The following FAM114A1 variants were observed in gnomAD, a reference collection of about 807,000 sequenced individuals.
The protein encoded by FAM114A1 is family with sequence similarity 114 member A1, also known as protein NOXP20.
Under a neutral mutation model 64.3 loss-of-function variants are expected in FAM114A1, and 62 were observed. The observed-to-expected ratio is 0.96, with a 90% CI of 0.79 to 1.19. The LOEUF (loss-of-function observed/expected upper bound fraction) is 1.19, where lower values mean the gene tolerates loss of function less well. FAM114A1 is among the 50% of genes most tolerant of loss of function. The pLI is 0.00. For synonymous variants in FAM114A1, 254 were observed against 251.1 expected (o/e 1.01, Z -0.11); for missense variants, 645 against 676.3 (o/e 0.95, Z 0.51).
intron 12 of FAM114A1, among the ~76,000 whole-genome samples, chr4:38,934,458 A>G (rs147184326): frequency 3.6e-3 from 549 of 152,260 alleles, no homozygotes; most frequent in African/African-American, 0.011. Context: ...TATATATATT[A>G]GATAAGGCCT....
At position 38,944,630 on chromosome 4, in the gene FAM114A1, A is replaced by G. The variant is rs1721829923; in HGVS notation, c.*1073A>G. 6.6e-6 allele frequency: 1 copy of G among 152,230 alleles called. No homozygotes were observed. Among genetic ancestry groups the G allele is most frequent in the Non-Finnish European group, 1.5e-5 (1 of 68,088 alleles). The allele number at this position is 152,230 out of a possible 1,614,324, so 9.4% of individuals were successfully genotyped here. A position where few individuals can be genotyped will look rare whatever the true frequency, so the allele number is the denominator to read the frequency against. ...TTTACAGCTGCTCCCCAGAGCTTGC[A>G]TTACTGCCTGAGCTCTGCCTCCCGT... On this transcript the variant is annotated 3_prime_UTR_variant, in exon 15 of 15. Coordinates refer to ENST00000358869, the MANE Select transcript of FAM114A1 (RefSeq NM_138389.4).
rs763248008 is a variant in FAM114A1, at chr4:38,878,115, G to A, written c.37G>A (p.Asp13Asn). The change falls in exon 3 of 15, where the codon GAC becomes AAC. Residue 13 changes from aspartate (D) to asparagine (N), a missense_variant. Physicochemically the swap from Asp to Asn is conservative, Grantham distance 23 (BLOSUM62 1). Coordinates refer to ENST00000358869, the MANE Select transcript of FAM114A1 (RefSeq NM_138389.4). ...TGCTGGTGACACCTTAGCCACTGGA[G>A]ACAAAGCAGAAGTTACTGAGATGCC... ...DDAGDTLATG[D>N]KAEVTEMPNS... The A allele has an allele frequency of 1.2e-6, 2 of 1,613,420 alleles. No homozygotes were observed. The highest frequency in any genetic ancestry group is 1.7e-5 in the Admixed American group (1 of 59,996).
intron 10 of FAM114A1, among the ~76,000 whole-genome samples, chr4:38,930,039 C>G (rs958225379): frequency 6.6e-6 from 1 of 152,164 alleles, no homozygotes; most frequent in African/African-American, 2.4e-5. Flanking sequence ...ACCCCGCCCC[C>G]CTTCTAAAGA....
intron 8 of FAM114A1, among the ~76,000 whole-genome samples, chr4:38,919,494 C>A (rs574514970): frequency 4.6e-5 from 7 of 152,202 alleles, no homozygotes; most frequent in Non-Finnish European, 8.8e-5. Context: ...GGAGCACAGC[C>A]TAGGGAAGAG....
intron 4 of FAM114A1, among the ~76,000 whole-genome samples, chr4:38,904,152 C>T (rs145723728): frequency 0.016 from 2,410 of 152,260 alleles, 79 homozygotes; most frequent in African/African-American, 0.054. Flanking sequence ...AACCTGAGGT[C>T]ACCCAGGTCC....
intron 3 of FAM114A1, among the ~76,000 whole-genome samples, chr4:38,887,193 C>T (rs1244446381): frequency 6.6e-6 from 1 of 152,136 alleles, no homozygotes; most frequent in Non-Finnish European, 1.5e-5. Context: ...AAGAACTACT[C>T]AAATGTTTAA....
At position 38,943,782 on chromosome 4, in the gene FAM114A1, T is replaced by G. The variant is rs575445679; in HGVS notation, c.*225T>G. On this transcript the variant is annotated 3_prime_UTR_variant, in exon 15 of 15. Coordinates refer to ENST00000358869, the MANE Select transcript of FAM114A1 (RefSeq NM_138389.4). ...CAATTGTGTTTTCTTTATGTTAATT[T>G]AAACTTACACAGCTTATATTGAAAA... is the stretch of plus-strand genomic sequence containing the variant. 2.3e-5 allele frequency: 9 copies of G among 395,890 alleles called. No individual in the cohort carries two copies. In the East Asian group the frequency reaches 3.6e-4, roughly 16 times the overall value. The allele number at this position is 395,890 out of a possible 1,614,324, so 24.5% of individuals were successfully genotyped here.
At chr4:38,904,163 C>T (rs1265840243) in intron 4 of FAM114A1, among the ~76,000 whole-genome samples, 1 of 152,116 alleles carries the variant, frequency 6.6e-6, no homozygotes, top group Non-Finnish European at 1.5e-5. Context: ...ACCCAGGTCC[C>T]GAGAGAAATC....
chr4:38,931,644 G>T (rs569253793), intron 11 of FAM114A1, 32 bp downstream of exon 11: 3 of 1,571,072 alleles, frequency 1.9e-6, no homozygotes, highest in Non-Finnish European at 2.6e-6. Context: ...TGCCTACAAG[G>T]TAATAAGAGT....
At chr4:38,902,349 C>T (rs1717596633) in intron 4 of FAM114A1, among the ~76,000 whole-genome samples, 1 of 152,184 alleles carries the variant, frequency 6.6e-6, no homozygotes, top group African/African-American at 2.4e-5. Context: ...AGAGATTTCA[C>T]ATGTTTCTTC....
At chr4:38,909,462 T>G (rs1718327250) in intron 7 of FAM114A1, among the ~76,000 whole-genome samples, 1 of 152,228 alleles carries the variant, frequency 6.6e-6, no homozygotes, top group Admixed American at 6.5e-5. Context: ...ACTAAAGTTT[T>G]CCAGCCCTTC....
chr4:38,891,212 A>C lies in FAM114A1; in HGVS notation c.349-531A>C, dbSNP rs111363374. Among the ~76,000 whole-genome samples, 389 of 152,262 alleles carry C rather than the reference A, an allele frequency of 2.6e-3. 1 individual carries two copies. Among genetic ancestry groups the C allele is most frequent in the Non-Finnish European group, 4.1e-3 (278 of 68,022 alleles). ...AGGGCACCTTGAATCAAAGGTTTCTACCTTGCAAGCCTTCCTGTCACTACT... is the reference window on the plus strand; with the variant it reads ...AGGGCACCTTGAATCAAAGGTTTCTCCCTTGCAAGCCTTCCTGTCACTACT... On this transcript the variant is annotated intron_variant, in intron 3 of 14. Coordinates refer to ENST00000358869, the MANE Select transcript of FAM114A1 (RefSeq NM_138389.4).
chr4:38,943,967 C>T lies in FAM114A1; in HGVS notation c.*410C>T, dbSNP rs1721774644. ...CTTATAGTATTACTTTAAATCAATT[C>T]TAAAACTGAACTTTGTTTTGTTACA... On this transcript the variant is annotated 3_prime_UTR_variant, in exon 15 of 15. Coordinates refer to ENST00000358869, the MANE Select transcript of FAM114A1 (RefSeq NM_138389.4). 1 of 154,674 alleles carries T rather than the reference C, an allele frequency of 6.5e-6. No individual in the cohort carries two copies. Among genetic ancestry groups the T allele is most frequent in the African/African-American group, 2.4e-5 (1 of 41,266 alleles). The allele number at this position is 154,674 out of a possible 1,614,324, so 9.6% of individuals were successfully genotyped here. A position where few individuals can be genotyped will look rare whatever the true frequency, so the allele number is the denominator to read the frequency against.
chr4:38,901,698 C>T (rs936269513), intron 4 of FAM114A1, among the ~76,000 whole-genome samples: 1 of 152,128 alleles, frequency 6.6e-6, no homozygotes, highest in African/African-American at 2.4e-5. Flanking sequence ...GCTTTTTGAT[C>T]CTGGTGGAAT....
intron 6 of FAM114A1, among the ~76,000 whole-genome samples, chr4:38,908,071 A>G (rs1170724647): frequency 6.6e-6 from 1 of 152,224 alleles, no homozygotes; most frequent in Non-Finnish European, 1.5e-5. Context: ...GAGAGTATGC[A>G]AGAACCATCT....
intron 13 of FAM114A1, among the ~76,000 whole-genome samples, chr4:38,937,976 C>T (rs549517691): frequency 6.6e-6 from 1 of 152,146 alleles, no homozygotes; most frequent in African/African-American, 2.4e-5. Context: ...ACCTCAGGTG[C>T]TCCACCTGCC....
chr4:38,929,291 C>T lies in FAM114A1; in HGVS notation c.1119C>T (p.Leu373=), dbSNP rs1422569330. 2 of 1,614,002 alleles carry T rather than the reference C, an allele frequency of 1.2e-6. No homozygotes were observed. Among genetic ancestry groups the T allele is most frequent in the East Asian group, 4.5e-5 (2 of 44,878 alleles). The stretch of plus-strand genomic sequence containing the variant: ...TTGCTCGCATGCTTACAGAGCTTCT[C>T]TTTGAATTACATGTGGCGGCCACAC... ...EEFARMLTEL[L]FELHVAATPD... Residue 373 remains leucine (L), a synonymous_variant, in exon 10 of 15, where the codon CTC becomes CTT. Transcript: ENST00000358869.
intron 9 of FAM114A1, among the ~76,000 whole-genome samples, chr4:38,926,766 A>G (rs914962475): frequency 1.3e-5 from 2 of 152,012 alleles, no homozygotes; most frequent in African/African-American, 2.4e-5. Flanking sequence ...CTCTCTATCT[A>G]TCTCTGAGAC....
rs376820553 is a variant in FAM114A1, at chr4:38,929,227, G to A, written c.1070-15G>A. 2.1e-5 allele frequency: 33 copies of A among 1,587,504 alleles called. No homozygotes were observed. The highest frequency in any genetic ancestry group is 1.3e-4 in the African/African-American group (10 of 74,376). ...AAAAATAAATCACGCTTCTTCTGTCGTGTTCTATTTCTAGGCTTAGAAGAA... is the reference window on the plus strand; with the variant it reads ...AAAAATAAATCACGCTTCTTCTGTCATGTTCTATTTCTAGGCTTAGAAGAA... On this transcript the variant is annotated splice_polypyrimidine_tract_variant and intron_variant, in intron 9 of 14. Coordinates refer to ENST00000358869, the MANE Select transcript of FAM114A1 (RefSeq NM_138389.4).
Sources: gnomAD v4.1 joint callset for allele counts (sites outside exome capture counted in the v4.1 genomes callset) on GRCh38, gnomAD v4.1.1 for gene constraint, MANE v1.5 for transcripts, NCBI Gene and HGNC (gene_info 2026-07-23, HGNC 2026-07-21) for gene names.